SASH1: variants seen among roughly 807,000 people sequenced by gnomAD.
The protein encoded by SASH1 is SAM and SH3 domain containing 1.
Under a neutral mutation model 125.2 loss-of-function variants are expected in SASH1, and 44 were observed. That is an observed-to-expected ratio of 0.35 (90% CI 0.28 to 0.45). The LOEUF is 0.45. Ranked by LOEUF, SASH1 falls within the 20% of genes least tolerant of loss-of-function variation. The pLI, the probability that SASH1 is intolerant of heterozygous loss-of-function variation, is 1.00. For synonymous variants in SASH1, 639 were observed against 649.1 expected (o/e 0.98, Z 0.24); for missense variants, 1,426 against 1,614.5 (o/e 0.88, Z 2.00).
chr6:148,376,520 G>T (rs1782899103), intron 1 of SASH1, among the ~76,000 whole-genome samples: 1 of 152,156 alleles, frequency 6.6e-6, no homozygotes, highest in East Asian at 1.9e-4. Flanking sequence ...AGGAATATAT[G>T]CATGTTTTCC....
chr6:148,544,541 G>GCAGCCCCGC lies in SASH1; in HGVS notation c.3079_3087dup (p.Ala1027_Pro1029dup), dbSNP rs1159772929. 6 of 1,612,872 alleles carry GCAGCCCCGC rather than the reference G, an allele frequency of 3.7e-6. No homozygotes were observed. The highest frequency in any genetic ancestry group is 2.7e-5 in the African/African-American group (2 of 74,914). ...GCGCCATGCCTGCCAGTGAAAAGGG[G>GCAGCCCCGC]CAGCCCCGCCAGCCCCACCAGCCCT... On this transcript the variant is annotated inframe_insertion, in exon 18 of 20. Coordinates refer to ENST00000367467, the MANE Select transcript of SASH1 (RefSeq NM_015278.5). This position sits in a 1 kb window ranked among gnomAD's most constrained non-coding sequence, Gnocchi z 6.4.
chr6:148,234,032 T>A, the SASH1 span, among the ~76,000 whole-genome samples: 2 of 151,950 alleles, frequency 1.3e-5, no homozygotes, highest in African/African-American at 4.8e-5. Context: ...AGGTTTTTTT[T>A]GGGTGGGGAT....
intron 1 of SASH1, chr6:148,283,452 A>G (rs1025684581): frequency 6.6e-6 from 1 of 152,280 alleles, no homozygotes; most frequent in African/African-American, 2.4e-5. Context: ...ACCACACAGC[A>G]TCACAGCACA....
chr6:148,257,301 T>C, the SASH1 span, among the ~76,000 whole-genome samples: 8,494 of 152,244 alleles, frequency 0.056, 278 homozygotes, highest in Middle Eastern at 0.11. Flanking sequence ...GCTTCCCTGG[T>C]GGCAAATGTG....
intron 7 of SASH1, among the ~76,000 whole-genome samples, chr6:148,484,470 C>A (rs56061047): frequency 0.12 from 18,702 of 151,768 alleles, 1,416 homozygotes; most frequent in African/African-American, 0.21. Flanking sequence ...TATAATTAAA[C>A]CAAAACTTCT....
chr6:148,337,486 A>G (rs1488400114), intron 1 of SASH1, among the ~76,000 whole-genome samples: 2 of 152,058 alleles, frequency 1.3e-5, no homozygotes, highest in African/African-American at 4.8e-5. Flanking sequence ...GGCCTCCCAA[A>G]GTGGTGGGAT....
chr6:148,392,683 T>C (rs905243509), intron 2 of SASH1, among the ~76,000 whole-genome samples: 1 of 152,242 alleles, frequency 6.6e-6, no homozygotes, highest in African/African-American at 2.4e-5. Context: ...TTCTTTTATG[T>C]TCACCAATTT....
chr6:148,446,427 A>G (rs887478470), intron 4 of SASH1, among the ~76,000 whole-genome samples: 1 of 152,102 alleles, frequency 6.6e-6, no homozygotes, highest in African/African-American at 2.4e-5. Flanking sequence ...TTCTTAAGGA[A>G]AGAGGGTGAA....
At chr6:148,450,372 A>G (rs61571401) in intron 4 of SASH1, among the ~76,000 whole-genome samples, 6,843 of 152,136 alleles carry the variant, frequency 0.045, 202 homozygotes, top group Non-Finnish European at 0.066. Context: ...TCATACCTCC[A>G]TATAACCCCA....
At chr6:148,440,307 G>C (rs1181725916) in intron 3 of SASH1, 51 bp from the exon 4 acceptor site, 1 of 1,610,282 alleles carries the variant, frequency 6.2e-7, no homozygotes, top group Non-Finnish European at 8.5e-7. Flanking sequence ...GTACAAATCA[G>C]ATGAAGCCTG....
chr6:148,210,975 G>C, the SASH1 span, among the ~76,000 whole-genome samples: 2 of 152,200 alleles, frequency 1.3e-5, no homozygotes. Context: ...TTGAGTGGAA[G>C]AGCTTGTAAC....
At chr6:148,317,510 C>T (rs141649110) in intron 1 of SASH1, among the ~76,000 whole-genome samples, 5,042 of 152,326 alleles carry the variant, frequency 0.033, 133 homozygotes, top group South Asian at 0.082. Context: ...CCGCAACCTC[C>T]GCCTCCTGGG....
At chr6:148,343,594 CTT>C (rs1467198200) in intron 1 of SASH1, among the ~76,000 whole-genome samples, 1 of 152,180 alleles carries the variant, frequency 6.6e-6, no homozygotes, top group Non-Finnish European at 1.5e-5. Flanking sequence ...ATGTTTATCT[CTT>C]CACCATTTGT....
chr6:148,464,054 G>A (rs1257059471), intron 4 of SASH1, among the ~76,000 whole-genome samples: 1 of 152,202 alleles, frequency 6.6e-6, no homozygotes, highest in Non-Finnish European at 1.5e-5. Context: ...CAAAGAATTT[G>A]TTAAAGACAG....
At chr6:148,520,337 CG>C (rs1359530862) in intron 10 of SASH1, 1 of 175,474 alleles carries the variant, frequency 5.7e-6, no homozygotes, top group Non-Finnish European at 1.2e-5. Flanking sequence ...CCGCCACGGT[CG>C]ACCGCTGTAC....
At chr6:148,314,691 C>G (rs1201247903) in intron 1 of SASH1, among the ~76,000 whole-genome samples, 1 of 151,696 alleles carries the variant, frequency 6.6e-6, no homozygotes, top group Admixed American at 6.6e-5. Flanking sequence ...AGAGGAGGGA[C>G]AAGAACGAGA....
At chr6:148,540,391 A>G (rs1350115831) in intron 16 of SASH1, 52 bp from the exon 17 acceptor site, 6 of 1,430,868 alleles carry the variant, frequency 4.2e-6, no homozygotes, top group East Asian at 2.3e-5. Flanking sequence ...TGACTCTGAA[A>G]CCTCTGCTTT....
Position 148,402,403 on chromosome 6 carries a change from C to T in SASH1, c.285+12141C>T, listed in dbSNP as rs574652479. On this transcript the variant is annotated intron_variant, in intron 2 of 19. Coordinates refer to ENST00000367467, the MANE Select transcript of SASH1 (RefSeq NM_015278.5). ...TCAGCTCACTGCAACCTCTGCCTCC[C>T]GGGTTAAGTGATTCTCCTGCCTCAG... 1.9e-3 allele frequency among the ~76,000 whole-genome samples: 282 copies of T among 152,168 alleles called. 3 individuals carry two copies. Among genetic ancestry groups the T allele is most frequent in the Admixed American group, 1.8e-3 (27 of 15,286 alleles).
intron 1 of SASH1, among the ~76,000 whole-genome samples, chr6:148,315,245 A>C (rs1227601433): frequency 6.6e-6 from 1 of 152,198 alleles, no homozygotes. Flanking sequence ...CCACATAATA[A>C]TTTTTAAAGT....
Sources: gnomAD v4.1 joint callset for allele counts (sites outside exome capture counted in the v4.1 genomes callset) on GRCh38, gnomAD v4.1.1 for gene constraint, Gnocchi (gnomAD v3.1) non-coding constraint, MANE v1.5 for transcripts, NCBI Gene and HGNC (gene_info 2026-07-23, HGNC 2026-07-21) for gene names.